The following PPP2R5E variants were observed in gnomAD, a reference collection of about 807,000 sequenced individuals.
The protein encoded by PPP2R5E is serine/threonine-protein phosphatase 2A 56 kDa regulatory subunit epsilon isoform.
A neutral mutation model predicts 65.3 loss-of-function variants in PPP2R5E; 4 were observed. The observed-to-expected ratio is 0.06, with a 90% CI of 0.03 to 0.14. The LOEUF (loss-of-function observed/expected upper bound fraction) is 0.14, where lower values mean the gene tolerates loss of function less well. Among genes scored for constraint, PPP2R5E ranks in the 10% least tolerant of loss-of-function variants. The pLI is 1.00. For synonymous variants in PPP2R5E, 183 were observed against 187.4 expected (o/e 0.98, Z 0.19); for missense variants, 274 against 556.1 (o/e 0.49, Z 5.10).
chr14:63,513,550 A>G (rs1019468531), intron 2 of PPP2R5E, among the ~76,000 whole-genome samples: 7 of 152,222 alleles, frequency 4.6e-5, no homozygotes, highest in African/African-American at 9.6e-5. Flanking sequence ...CACTTCCTGC[A>G]TATTAAAAAC....
intron 5 of PPP2R5E, among the ~76,000 whole-genome samples, chr14:63,409,832 G>C (rs1886301525): frequency 6.6e-6 from 1 of 152,184 alleles, no homozygotes; most frequent in Non-Finnish European, 1.5e-5. Context: ...CCCATGTCAT[G>C]AATCAGGAAA....
At chr14:63,491,098 T>C (rs984119315) in intron 2 of PPP2R5E, among the ~76,000 whole-genome samples, 2 of 151,610 alleles carry the variant, frequency 1.3e-5, no homozygotes, top group African/African-American at 4.8e-5. Flanking sequence ...CAGCTGGAGG[T>C]CATTATCCTA....
chr14:63,481,594 A>C (rs1222904285), intron 2 of PPP2R5E, among the ~76,000 whole-genome samples: 1 of 152,162 alleles, frequency 6.6e-6, no homozygotes, highest in East Asian at 1.9e-4. Context: ...TAATTTAAAA[A>C]AAGCCACAGT....
chr14:63,417,117 T>C (rs1209356592), intron 4 of PPP2R5E, among the ~76,000 whole-genome samples: 1 of 152,242 alleles, frequency 6.6e-6, no homozygotes, highest in African/African-American at 2.4e-5. Flanking sequence ...TCTTTATCCA[T>C]GCATGCTTTC....
chr14:63,376,271 T>A (rs562014617), intron 13 of PPP2R5E, among the ~76,000 whole-genome samples, 163 bp from the exon 14 acceptor site: 7 of 152,216 alleles, frequency 4.6e-5, no homozygotes, highest in Non-Finnish European at 8.8e-5. Flanking sequence ...CTTATATGCA[T>A]CAGTTATTGT....
intron 2 of PPP2R5E, among the ~76,000 whole-genome samples, chr14:63,505,605 G>A (rs1892122922): frequency 6.6e-6 from 1 of 152,126 alleles, no homozygotes; most frequent in South Asian, 2.1e-4. Context: ...ACTGCAAGCT[G>A]GAGAATCACA....
At chr14:63,478,642 T>A (rs975358882) in intron 2 of PPP2R5E, among the ~76,000 whole-genome samples, 1 of 152,070 alleles carries the variant, frequency 6.6e-6, no homozygotes, top group African/African-American at 2.4e-5. Context: ...TAAAATTAGT[T>A]TTGACCTCAC....
chr14:63,412,270 T>A (rs1886433746), intron 5 of PPP2R5E, among the ~76,000 whole-genome samples: 2 of 152,204 alleles, frequency 1.3e-5, no homozygotes, highest in African/African-American at 2.4e-5. Flanking sequence ...AAGACCCTGT[T>A]TGTTTAAAAA....
intron 2 of PPP2R5E, among the ~76,000 whole-genome samples, chr14:63,475,775 C>T (rs1262009487): frequency 8.4e-6 from 1 of 118,492 alleles, no homozygotes; most frequent in African/African-American, 5.2e-5. Flanking sequence ...TATTAAAAAA[C>T]ATAAGATAGT....
chr14:63,381,054 C>T (rs1884325055), intron 13 of PPP2R5E, among the ~76,000 whole-genome samples: 1 of 152,136 alleles, frequency 6.6e-6, no homozygotes, highest in Non-Finnish European at 1.5e-5. Context: ...CTGACATCTG[C>T]TTATGGATGA....
intron 2 of PPP2R5E, among the ~76,000 whole-genome samples, chr14:63,479,120 C>A (rs191452198): frequency 6.6e-6 from 1 of 152,118 alleles, no homozygotes; most frequent in East Asian, 1.9e-4. Context: ...CAGAGTGAGA[C>A]TGTTTCAAAA....
At chr14:63,430,037 C>T (rs1024544571) in intron 3 of PPP2R5E, among the ~76,000 whole-genome samples, 3 of 151,906 alleles carry the variant, frequency 2.0e-5, no homozygotes, top group Admixed American at 6.6e-5. Flanking sequence ...TAAGTAGATA[C>T]GGTGAAATTG....
At chr14:63,394,004 ATTAAAC>A (rs1292003248) in intron 7 of PPP2R5E, 76 bp from the exon 8 acceptor site, 6 of 824,682 alleles carry the variant, frequency 7.3e-6, no homozygotes, top group African/African-American at 1.7e-5. Flanking sequence ...TGTGATATTA[ATTAAAC>A]TTAATCAGTT....
At chr14:63,409,536 T>C (rs868298275) in intron 5 of PPP2R5E, among the ~76,000 whole-genome samples, 8 of 152,242 alleles carry the variant, frequency 5.3e-5, no homozygotes, top group Admixed American at 2.0e-4. Flanking sequence ...CTATGCCCCA[T>C]AGGTGATACC....
intron 2 of PPP2R5E, among the ~76,000 whole-genome samples, chr14:63,456,823 A>G (rs796449896): frequency 1.2e-4 from 18 of 152,340 alleles, no homozygotes; most frequent in African/African-American, 4.3e-4. Context: ...GACAAAATGA[A>G]CAAATGACTC....
At chr14:63,388,794 C>T (rs867039729) in intron 11 of PPP2R5E, among the ~76,000 whole-genome samples, 4 of 152,202 alleles carry the variant, frequency 2.6e-5, no homozygotes, top group Non-Finnish European at 2.9e-5. Context: ...CAAATGACAC[C>T]GTTAGAGGTC....
chr14:63,382,855 C>T lies in PPP2R5E; in HGVS notation c.1203-698G>A, dbSNP rs971473141. 3.3e-5 allele frequency among the ~76,000 whole-genome samples: 5 copies of T among 152,250 alleles called. 1 individual carries two copies. Among genetic ancestry groups the T allele is most frequent in the Non-Finnish European group, 5.9e-5 (4 of 68,004 alleles). ...TAGACATCTGAATTTGCATAGAATT[C>T]TATTTTCTAAATAACACATAATTCA... On this transcript the variant is annotated intron_variant, in intron 12 of 13. Coordinates refer to ENST00000337537, the MANE Select transcript of PPP2R5E (RefSeq NM_006246.5).
intron 4 of PPP2R5E, among the ~76,000 whole-genome samples, chr14:63,420,574 C>T (rs1443256124): frequency 6.6e-6 from 1 of 152,078 alleles, no homozygotes. Flanking sequence ...GAAAACAGAG[C>T]CCCCAAAAGC....
At chr14:63,465,547 G>T (rs981766823) in intron 2 of PPP2R5E, among the ~76,000 whole-genome samples, 1 of 151,942 alleles carries the variant, frequency 6.6e-6, no homozygotes, top group Admixed American at 6.6e-5. Context: ...GATGGCTTGA[G>T]CCCAAGAGGC....
Sources: allele counts gnomAD v4.1 joint callset (sites outside exome capture counted in the v4.1 genomes callset), GRCh38; gene constraint gnomAD v4.1.1; transcripts MANE v1.5; gene names NCBI Gene and HGNC (gene_info 2026-07-23, HGNC 2026-07-21).